FAT3: variants seen among roughly 807,000 people sequenced by gnomAD.
FAT3 encodes protocadherin Fat 3.
In FAT3, 95 loss-of-function variants were observed where a neutral mutation model predicts 310.2. The observed-to-expected ratio is 0.31, with a 90% confidence interval of 0.26 to 0.36. The LOEUF is 0.36. Among genes scored for constraint, FAT3 ranks in the 10% least tolerant of loss-of-function variants. The probability of loss-of-function intolerance (pLI) is 1.00; values close to 1 mark genes in which losing one functional copy is unlikely to be tolerated. For synonymous variants in FAT3, 2,314 were observed against 2,192.9 expected (o/e 1.06, Z -1.54); for missense variants, 5,408 against 5,715.6 (o/e 0.95, Z 1.74).
At chr11:92,864,370 C>T (rs1232460303) in intron 21 of FAT3, among the ~76,000 whole-genome samples, 1 of 152,068 alleles carries the variant, frequency 6.6e-6, no homozygotes, top group Non-Finnish European at 1.5e-5. Context: ...AAAGATACTC[C>T]CCAAAGTCAC....
Position 92,799,756 on chromosome 11 carries a change from A to G in FAT3, c.6743A>G (p.Tyr2248Cys). The change falls in exon 10 of 28, where the codon TAT becomes TGT. Residue 2248 changes from tyrosine to cysteine, a missense_variant. By Grantham distance (194) the Tyr-to-Cys change is radical. This residue lies in a region of FAT3 where 4,588 missense variants were observed against 4,809.8 expected (regional missense o/e 0.95). Coordinates refer to ENST00000525166, the MANE Select transcript of FAT3 (RefSeq NM_001367949.2). ...CTGAAAGTTGTTAGCCCTTTGGATT[A>G]TGAAGTTACATCTGCTTACAAGCTG... ...GVLKVVSPLDYEVTSAYKLTI... is the reference protein window; with the variant it reads ...GVLKVVSPLDCEVTSAYKLTI... 5 of 1,612,820 alleles carry G rather than the reference A, an allele frequency of 3.1e-6. No individual in the cohort carries two copies. The highest frequency in any genetic ancestry group is 4.2e-6 in the Non-Finnish European group (5 of 1,179,374).
chr11:92,611,312 C>G (rs759436357), intron 3 of FAT3, among the ~76,000 whole-genome samples: 1 of 152,100 alleles, frequency 6.6e-6, no homozygotes, highest in East Asian at 1.9e-4. Context: ...GACAGGGTCT[C>G]GTGATGTCAC....
intron 2 of FAT3, among the ~76,000 whole-genome samples, chr11:92,425,709 A>G (rs925013619): frequency 1.3e-5 from 2 of 152,114 alleles, no homozygotes; most frequent in African/African-American, 4.8e-5. Flanking sequence ...TGCAAACGAC[A>G]TGAACTCTCT....
chr11:92,553,915 C>T (rs1954914771), intron 3 of FAT3, among the ~76,000 whole-genome samples: 1 of 151,782 alleles, frequency 6.6e-6, no homozygotes, highest in South Asian at 2.1e-4. Context: ...AAGTGGTTCT[C>T]CTGCCTCAGC....
In FAT3 at chr11:92,277,206, T is replaced by C. The variant is rs545100674; in HGVS notation, c.-18+52032T>C. On this transcript the variant is annotated intron_variant, in intron 1 of 27. Coordinates refer to ENST00000525166, the MANE Select transcript of FAT3 (RefSeq NM_001367949.2). ...AGTTAAATGCCAGGAAAAAACTAGT[T>C]TCCAGAAAGTTTCTGCCAAGATATA... 1.8e-3 allele frequency among the ~76,000 whole-genome samples: 274 copies of C among 152,272 alleles called. 1 individual carries two copies. Among genetic ancestry groups the C allele is most frequent in the African/African-American group, 6.5e-3 (269 of 41,564 alleles).
intron 6 of FAT3, among the ~76,000 whole-genome samples, 161 bp from the exon 7 acceptor site, chr11:92,773,880 A>G (rs904352683): frequency 6.6e-6 from 1 of 152,268 alleles, no homozygotes; most frequent in African/African-American, 2.4e-5. Context: ...CTATGAATCA[A>G]GTTAGAAATA....
chr11:92,385,470 C>T (rs145917905), intron 2 of FAT3, among the ~76,000 whole-genome samples: 3 of 152,008 alleles, frequency 2.0e-5, no homozygotes, highest in Non-Finnish European at 4.4e-5. Context: ...TGGGTTCTAG[C>T]GATTCTCGTG....
chr11:92,626,097 C>T (rs929103396), intron 3 of FAT3, among the ~76,000 whole-genome samples: 11 of 152,120 alleles, frequency 7.2e-5, no homozygotes, highest in Admixed American at 2.6e-4. Flanking sequence ...AGGTTTGGAA[C>T]GTGACCAAGT....
chr11:92,838,318 C>A (rs1948456634), intron 17 of FAT3, among the ~76,000 whole-genome samples: 1 of 152,182 alleles, frequency 6.6e-6, no homozygotes, highest in Admixed American at 6.5e-5. Flanking sequence ...AGAGCTGGTA[C>A]TCATTAAAAT....
chr11:92,671,231 A>G (rs1288312529), intron 3 of FAT3, among the ~76,000 whole-genome samples: 1 of 151,738 alleles, frequency 6.6e-6, no homozygotes, highest in African/African-American at 2.4e-5. Flanking sequence ...TTTTAGTAGG[A>G]ACGGGGTTTC....
chr11:92,274,520 C>G (rs1000377804), intron 1 of FAT3, among the ~76,000 whole-genome samples: 2 of 151,968 alleles, frequency 1.3e-5, no homozygotes, highest in Admixed American at 6.6e-5. Flanking sequence ...TTCTTTTCAA[C>G]TCTTGTCTTC....
intron 1 of FAT3, among the ~76,000 whole-genome samples, chr11:92,232,811 A>T (rs1864245531): frequency 1.3e-5 from 2 of 152,036 alleles, no homozygotes; most frequent in Admixed American, 6.6e-5. Context: ...AGGTAGAATT[A>T]TTATTGTGGA....
At chr11:92,276,510 G>C (rs939469454) in intron 1 of FAT3, among the ~76,000 whole-genome samples, 2 of 152,236 alleles carry the variant, frequency 1.3e-5, no homozygotes, top group Middle Eastern at 3.4e-3. Flanking sequence ...TGGTATGGCT[G>C]TGTGACTCCC....
chr11:92,336,352 G>T, intron 1 of FAT3: 1 of 386,432 alleles, frequency 2.6e-6, no homozygotes, highest in South Asian at 2.1e-5. Context: ...GTCAGTTCCG[G>T]GGGCTGTTTT....
intron 13 of FAT3, among the ~76,000 whole-genome samples, chr11:92,827,967 C>G (rs1157757833): frequency 2.6e-5 from 4 of 152,142 alleles, no homozygotes; most frequent in African/African-American, 9.7e-5. Context: ...AGCTAAGTAT[C>G]TCCATCCTCA....
intron 2 of FAT3, among the ~76,000 whole-genome samples, chr11:92,474,465 G>A (rs1449496534): frequency 6.6e-6 from 1 of 152,112 alleles, no homozygotes; most frequent in Non-Finnish European, 1.5e-5. Context: ...ACCTTAACTG[G>A]TTGTAATTCA....
chr11:92,701,659 T>C (rs964454743), intron 4 of FAT3, among the ~76,000 whole-genome samples: 1 of 152,216 alleles, frequency 6.6e-6, no homozygotes, highest in African/African-American at 2.4e-5. Flanking sequence ...GATACCCAGT[T>C]ATGATTATAG....
At chr11:92,583,693 G>A (rs536487409) in intron 3 of FAT3, among the ~76,000 whole-genome samples, 58 of 151,982 alleles carry the variant, frequency 3.8e-4, no homozygotes, top group Non-Finnish European at 5.4e-4. Flanking sequence ...CCCTTCAACC[G>A]CAGGACACAC....
At chr11:92,409,733 A>G (rs185575566) in intron 2 of FAT3, among the ~76,000 whole-genome samples, 1 of 152,180 alleles carries the variant, frequency 6.6e-6, no homozygotes, top group African/African-American at 2.4e-5. Flanking sequence ...ACCATATTTC[A>G]CAGTTAGAAG....
Sources: gnomAD v4.1 joint callset for allele counts (sites outside exome capture counted in the v4.1 genomes callset) on GRCh38, gnomAD v4.1.1 for gene constraint, gnomAD v4.1.1 regional missense constraint, MANE v1.5 for transcripts, NCBI Gene and HGNC (gene_info 2026-07-23, HGNC 2026-07-21) for gene names.